DLG2: variants seen among roughly 807,000 people sequenced by gnomAD.
The protein encoded by DLG2 is disks large homolog 2.
In DLG2, 45 loss-of-function variants were observed where a neutral mutation model predicts 132.5. The observed-to-expected ratio is 0.34, with a 90% CI of 0.27 to 0.44. The LOEUF is 0.44. Among genes scored for constraint, DLG2 ranks in the 20% least tolerant of loss-of-function variants. The probability of loss-of-function intolerance (pLI) is 1.00; values close to 1 mark genes in which losing one functional copy is unlikely to be tolerated. For synonymous variants in DLG2, 424 were observed against 419.6 expected (o/e 1.01, Z -0.13); for missense variants, 1,045 against 1,196.9 (o/e 0.87, Z 1.87).
intron 3 of DLG2, among the ~76,000 whole-genome samples, chr11:85,487,899 C>A (rs1419465665): frequency 2.6e-5 from 4 of 152,168 alleles, no homozygotes; most frequent in Non-Finnish European, 2.9e-5. Flanking sequence ...TGTGTCCCCA[C>A]CCAAATCTCA....
intron 20 of DLG2, among the ~76,000 whole-genome samples, chr11:83,537,934 T>A (rs2095939021): frequency 1.3e-5 from 2 of 150,638 alleles, no homozygotes; most frequent in African/African-American, 4.9e-5. Flanking sequence ...GATTTTAAAG[T>A]CACACAAGCC....
intron 6 of DLG2, among the ~76,000 whole-genome samples, chr11:85,055,985 C>T (rs2063411821): frequency 6.6e-6 from 1 of 152,128 alleles, no homozygotes; most frequent in African/African-American, 2.4e-5. Flanking sequence ...ACTCTAGCTG[C>T]ACTTAATTTC....
intron 15 of DLG2, among the ~76,000 whole-genome samples, chr11:83,886,289 G>A (rs2067875561): frequency 6.6e-6 from 1 of 152,150 alleles, no homozygotes; most frequent in Admixed American, 6.5e-5. Flanking sequence ...AAAGGCAGGG[G>A]TTGCAATCCT....
chr11:84,245,421 G>A (rs920124580), intron 8 of DLG2, among the ~76,000 whole-genome samples: 1 of 152,150 alleles, frequency 6.6e-6, no homozygotes, highest in African/African-American at 2.4e-5. Context: ...TCCAATGGGG[G>A]ATATACTACT....
intron 6 of DLG2, among the ~76,000 whole-genome samples, chr11:84,588,821 T>C (rs747635813): frequency 2.0e-5 from 3 of 151,626 alleles, no homozygotes; most frequent in Non-Finnish European, 4.4e-5. Flanking sequence ...AGCAGCAGCC[T>C]TTGGGGCTGC....
intron 7 of DLG2, among the ~76,000 whole-genome samples, chr11:84,472,439 G>T (rs1009173291): frequency 6.6e-6 from 1 of 151,874 alleles, no homozygotes; most frequent in Admixed American, 6.6e-5. Flanking sequence ...TTTAATATTT[G>T]CCTCTGCTAA....
chr11:85,191,519 G>T (rs528418774), intron 4 of DLG2, among the ~76,000 whole-genome samples: 1 of 151,994 alleles, frequency 6.6e-6, no homozygotes. Context: ...TTACTGACAC[G>T]CTCTCAGAAG....
In DLG2 at chr11:85,550,521, C is replaced by A. The variant is rs552934141; in HGVS notation, c.40+48136G>T. On this transcript the variant is annotated intron_variant, in intron 3 of 27. Transcript: ENST00000376104. The stretch of plus-strand genomic sequence containing the variant: ...TTTGATCCCCCTGGTGCCACTGGTG[C>A]CGCTGGTGCTGAAGTGCCTGGTGGA... 4.0e-5 allele frequency among the ~76,000 whole-genome samples: 6 copies of A among 149,552 alleles called. 1 individual carries two copies. Among genetic ancestry groups the A allele is most frequent in the African/African-American group, 1.5e-4 (6 of 38,950 alleles).
Position 85,598,077 on chromosome 11 carries a change from C to T in DLG2, c.40+580G>A, listed in dbSNP as rs1474431888. 4.0e-5 allele frequency among the ~76,000 whole-genome samples: 6 copies of T among 151,794 alleles called. No individual in the cohort carries two copies. The South Asian group carries it at 1.0e-3, about 26-fold the overall frequency. On this transcript the variant is annotated intron_variant, in intron 3 of 27. Coordinates refer to ENST00000376104, the MANE Select transcript of DLG2 (RefSeq NM_001142699.3). ...AATCTTTAATAAATAGGAGAATAAACATAAGTTTAAACATTATATGGTTAG... is the reference window on the plus strand; with the variant it reads ...AATCTTTAATAAATAGGAGAATAAATATAAGTTTAAACATTATATGGTTAG...
chr11:83,753,510 T>G (rs1252732995), intron 18 of DLG2, among the ~76,000 whole-genome samples: 1 of 151,688 alleles, frequency 6.6e-6, no homozygotes, highest in African/African-American at 2.4e-5. Flanking sequence ...TCCTCTATAC[T>G]GTATAGCATA....
intron 19 of DLG2, among the ~76,000 whole-genome samples, chr11:83,544,019 A>G (rs1367911433): frequency 1.3e-5 from 2 of 152,192 alleles, no homozygotes; most frequent in African/African-American, 2.4e-5. Flanking sequence ...TGCTAGGCAG[A>G]GGCTGCCTAC....
chr11:83,733,439 A>C (rs1167859903), intron 18 of DLG2, among the ~76,000 whole-genome samples: 1 of 152,106 alleles, frequency 6.6e-6, no homozygotes, highest in Non-Finnish European at 1.5e-5. Context: ...CTTTGCATAA[A>C]GATTAACTAA....
chr11:84,979,353 C>T (rs961214994), intron 6 of DLG2, among the ~76,000 whole-genome samples: 1 of 152,166 alleles, frequency 6.6e-6, no homozygotes, highest in Non-Finnish European at 1.5e-5. Flanking sequence ...AAGACACATG[C>T]ACATGTATGT....
intron 4 of DLG2, among the ~76,000 whole-genome samples, chr11:85,155,566 A>G (rs1052286425): frequency 6.6e-6 from 1 of 152,112 alleles, no homozygotes; most frequent in Non-Finnish European, 1.5e-5. Context: ...GTTCAACTGC[A>G]TAATAAGGAT....
intron 6 of DLG2, among the ~76,000 whole-genome samples, chr11:84,979,504 G>C (rs1420494405): frequency 6.6e-6 from 1 of 152,144 alleles, no homozygotes; most frequent in African/African-American, 2.4e-5. Context: ...CATGTTCTTT[G>C]TAGGGACATG....
intron 6 of DLG2, among the ~76,000 whole-genome samples, chr11:85,007,878 T>C (rs1389014393): frequency 2.0e-5 from 3 of 152,042 alleles, no homozygotes; most frequent in Non-Finnish European, 1.5e-5. Flanking sequence ...GGACATGTGA[T>C]TGAAATTATG....
rs939516909 is a variant in DLG2, at chr11:84,217,509, C to T, written c.573+33729G>A. Among the ~76,000 whole-genome samples the T allele has an allele frequency of 8.5e-5, 13 of 152,168 alleles. 1 individual carries two copies. The highest frequency in any genetic ancestry group is 3.1e-4 in the African/African-American group (13 of 41,436). On this transcript the variant is annotated intron_variant, in intron 8 of 27. Coordinates refer to ENST00000376104, the MANE Select transcript of DLG2 (RefSeq NM_001142699.3). ...TGGAACTTGTGAGTCCATTAAACCT[C>T]TTTCTTTTGTAAATTGCCCAGTCTC...
At chr11:83,493,341 TTCCTTCC>T (rs1378992531) in intron 21 of DLG2, among the ~76,000 whole-genome samples, 38 of 6,104 alleles carry the variant, frequency 6.2e-3, no homozygotes, top group Middle Eastern at 0.062. Context: ...CTTTCTTTCC[TTCCTTCC>T]TTCCTTCCTT....
At chr11:83,775,208 A>G (rs547360602) in intron 18 of DLG2, among the ~76,000 whole-genome samples, 4 of 152,048 alleles carry the variant, frequency 2.6e-5, no homozygotes, top group African/African-American at 9.6e-5. Flanking sequence ...GTCCCTCCAT[A>G]TCCCTCTCCT....
Sources: allele counts gnomAD v4.1 joint callset (sites outside exome capture counted in the v4.1 genomes callset), GRCh38; gene constraint gnomAD v4.1.1; transcripts MANE v1.5; gene names NCBI Gene and HGNC (gene_info 2026-07-23, HGNC 2026-07-21).